SCHIP1: variants seen among roughly 807,000 people sequenced by gnomAD.
SCHIP1 encodes the protein schwannomin-interacting protein 1.
Under a neutral mutation model 29.7 loss-of-function variants are expected in SCHIP1, and 8 were observed. The observed-to-expected ratio is 0.27, with a 90% CI of 0.16 to 0.49. The LOEUF (loss-of-function observed/expected upper bound fraction) is 0.49, where lower values mean the gene tolerates loss of function less well. SCHIP1 is among the 20% of genes least tolerant of loss of function. SCHIP1 has a pLI of 0.99. For synonymous variants in SCHIP1, 76 were observed against 94.9 expected (o/e 0.80, Z 1.16); for missense variants, 193 against 294.6 (o/e 0.66, Z 2.52).
chr3:159,504,294 T>A, the SCHIP1 span, among the ~76,000 whole-genome samples: 1 of 152,200 alleles, frequency 6.6e-6, no homozygotes, highest in African/African-American at 2.4e-5. Flanking sequence ...AACCAGAAAT[T>A]ATTTTGTCAA....
chr3:159,537,715 GGAAGGGCGAGCACAA>G, the SCHIP1 span, among the ~76,000 whole-genome samples: 1 of 151,988 alleles, frequency 6.6e-6, no homozygotes, highest in Non-Finnish European at 1.5e-5. Context: ...TCCATGGAAG[GGAAGGGCGAGCACAA>G]GATTAACTTT....
the SCHIP1 span, among the ~76,000 whole-genome samples, chr3:159,386,270 C>G: frequency 2.6e-5 from 4 of 152,270 alleles, no homozygotes; most frequent in African/African-American, 9.6e-5. Context: ...GAAATCATCA[C>G]ACTGTCACAA....
the SCHIP1 span, among the ~76,000 whole-genome samples, chr3:159,483,569 C>G: frequency 6.6e-6 from 1 of 152,056 alleles, no homozygotes; most frequent in Non-Finnish European, 1.5e-5. Flanking sequence ...TGGAGATATT[C>G]CATAAACTCA....
chr3:159,511,111 T>C, the SCHIP1 span, among the ~76,000 whole-genome samples: 1 of 152,214 alleles, frequency 6.6e-6, no homozygotes, highest in Admixed American at 6.5e-5. Context: ...TGTGGTGGGC[T>C]CCACCCAGTT....
chr3:159,409,298 C>T, the SCHIP1 span, among the ~76,000 whole-genome samples: 1 of 150,240 alleles, frequency 6.7e-6, no homozygotes, highest in Non-Finnish European at 1.5e-5. Context: ...AGCAATCAGA[C>T]AATAGAAAAA....
chr3:159,789,749 T>A, the SCHIP1 span, among the ~76,000 whole-genome samples: 1 of 152,240 alleles, frequency 6.6e-6, no homozygotes, highest in Non-Finnish European at 1.5e-5. Flanking sequence ...GAAACTGATT[T>A]TGTTATCATA....
the SCHIP1 span, among the ~76,000 whole-genome samples, chr3:159,603,484 C>T: frequency 0.015 from 2,339 of 152,260 alleles, 63 homozygotes; most frequent in African/African-American, 0.053. Flanking sequence ...GACAAGCCTC[C>T]ATCCTGAAGC....
chr3:159,719,576 A>G, the SCHIP1 span, among the ~76,000 whole-genome samples: 1 of 152,274 alleles, frequency 6.6e-6, no homozygotes, highest in Non-Finnish European at 1.5e-5. Flanking sequence ...TGGGTGAAGG[A>G]TATGAACAGA....
chr3:159,477,029 T>A, the SCHIP1 span, among the ~76,000 whole-genome samples: 5 of 152,146 alleles, frequency 3.3e-5, no homozygotes, highest in Admixed American at 3.3e-4. Context: ...CACATACAAG[T>A]GAGAGCATGT....
chr3:159,639,791 A>G, the SCHIP1 span, among the ~76,000 whole-genome samples: 758 of 152,260 alleles, frequency 5.0e-3, 11 homozygotes, highest in African/African-American at 0.017. Flanking sequence ...GAGGACTTTA[A>G]ACCAGAGTTC....
the SCHIP1 span, among the ~76,000 whole-genome samples, chr3:159,394,608 G>A: frequency 6.6e-6 from 1 of 151,946 alleles, no homozygotes. Flanking sequence ...TTTATATGCT[G>A]GATTACATTT....
the SCHIP1 span, among the ~76,000 whole-genome samples, chr3:159,672,379 T>C: frequency 2.6e-5 from 4 of 152,240 alleles, no homozygotes; most frequent in Non-Finnish European, 5.9e-5. Flanking sequence ...GTCATTCTGC[T>C]GCCATGCAAG....
the SCHIP1 span, among the ~76,000 whole-genome samples, chr3:159,360,789 G>A: frequency 1.3e-5 from 2 of 152,060 alleles, no homozygotes; most frequent in Admixed American, 6.6e-5. Context: ...ATGGAACTAA[G>A]CTTTATTCCA....
At chr3:159,531,685 A>C in the SCHIP1 span, among the ~76,000 whole-genome samples, 1 of 152,206 alleles carries the variant, frequency 6.6e-6, no homozygotes, top group Non-Finnish European at 1.5e-5. Context: ...AAGTTTACCA[A>C]ACAGTATTAT....
the SCHIP1 span, among the ~76,000 whole-genome samples, chr3:159,638,951 T>C: frequency 1.3e-5 from 2 of 152,182 alleles, no homozygotes; most frequent in Admixed American, 6.6e-5. Flanking sequence ...TTATCTCGAG[T>C]GCCCTACTTT....
the SCHIP1 span, among the ~76,000 whole-genome samples, chr3:159,789,846 T>G: frequency 4.7e-4 from 71 of 152,336 alleles, no homozygotes; most frequent in Non-Finnish European, 2.2e-4. Context: ...AATTTATTGA[T>G]TTATGATAAG....
chr3:159,355,743 G>A, the SCHIP1 span, among the ~76,000 whole-genome samples: 23 of 150,734 alleles, frequency 1.5e-4, no homozygotes, highest in Middle Eastern at 3.4e-3. Flanking sequence ...CATTTTCTAC[G>A]TTACTATTTT....
chr3:159,676,130 C>CA, the SCHIP1 span, among the ~76,000 whole-genome samples: 1 of 151,552 alleles, frequency 6.6e-6, no homozygotes, highest in Admixed American at 6.6e-5. Context: ...GACTCCATCT[C>CA]AAAAAAAAAT....
the SCHIP1 span, among the ~76,000 whole-genome samples, chr3:159,540,595 C>T: frequency 6.6e-6 from 1 of 152,050 alleles, no homozygotes; most frequent in South Asian, 2.1e-4. Context: ...CACCTTTTGG[C>T]CTCACCTATA....
Sources: gnomAD v4.1 joint callset for allele counts (sites outside exome capture counted in the v4.1 genomes callset) on GRCh38, gnomAD v4.1.1 for gene constraint, MANE v1.5 for transcripts, NCBI Gene and HGNC (gene_info 2026-07-23, HGNC 2026-07-21) for gene names.